LRIG1: variants seen among roughly 807,000 people sequenced by gnomAD.
LRIG1 encodes the protein leucine-rich repeats and immunoglobulin-like domains protein 1.
A neutral mutation model predicts 99.2 loss-of-function variants in LRIG1; 48 were observed. The observed-to-expected ratio is 0.48, with a 90% CI of 0.38 to 0.62. The LOEUF is 0.62. LRIG1 is among the 20% of genes least tolerant of loss of function. The probability of loss-of-function intolerance (pLI) is 0.00; values close to 1 mark genes in which losing one functional copy is unlikely to be tolerated. For missense variants in LRIG1, 1,646 were observed against 1,434.4 expected (o/e 1.15, Z -2.38); for synonymous variants, 772 against 596.1 (o/e 1.29, Z -4.30).
In LRIG1 at chr3:66,384,905, G is replaced by A. The variant is rs79310142; in HGVS notation, c.1790-633C>T. Among the ~76,000 whole-genome samples, 101 of 152,286 alleles carry A rather than the reference G, an allele frequency of 6.6e-4. No individual in the cohort carries two copies. The East Asian group carries it at 0.019, about 29-fold the overall frequency. ...AGTTCCTGTCAACGTCAATTTTGGG[G>A]AGAGTCTAACAAACAGCTGAGTCTT... On this transcript the variant is annotated intron_variant, in intron 13 of 18. Coordinates refer to ENST00000273261, the MANE Select transcript of LRIG1 (RefSeq NM_015541.3).
chr3:66,441,936 G>A (rs1452870684), intron 3 of LRIG1, among the ~76,000 whole-genome samples: 2 of 152,284 alleles, frequency 1.3e-5, no homozygotes, highest in African/African-American at 4.8e-5. Context: ...CAGATCCTGT[G>A]TCTCATAGGA....
intron 3 of LRIG1, among the ~76,000 whole-genome samples, chr3:66,446,602 C>T (rs530228245): frequency 9.0e-4 from 136 of 151,954 alleles, no homozygotes; most frequent in African/African-American, 3.1e-3. Context: ...GATGGAGTTT[C>T]GCCATTTTGG....
intron 12 of LRIG1, among the ~76,000 whole-genome samples, chr3:66,391,304 AT>A (rs1701608040): frequency 6.6e-6 from 1 of 152,220 alleles, no homozygotes; most frequent in African/African-American, 2.4e-5. Context: ...CAGCAATTCC[AT>A]TCCTAGGTTT....
At chr3:66,433,745 C>T (rs977099816) in intron 3 of LRIG1, among the ~76,000 whole-genome samples, 1 of 152,182 alleles carries the variant, frequency 6.6e-6, no homozygotes, top group African/African-American at 2.4e-5. Context: ...GGCCCTTTAA[C>T]GCAGCCCTTC....
chr3:66,393,991 C>T (rs373391313), intron 12 of LRIG1, 49 bp downstream of exon 12: 1 of 1,598,038 alleles, frequency 6.3e-7, no homozygotes, highest in Non-Finnish European at 8.6e-7. Context: ...TACCTCCTGG[C>T]TTCCTTGTCC....
At chr3:66,409,135 C>T (rs13081784) in intron 7 of LRIG1, among the ~76,000 whole-genome samples, 32,969 of 151,870 alleles carry the variant, frequency 0.22, 3,781 homozygotes, top group Admixed American at 0.28. Context: ...GCACTCTTAA[C>T]AATCATTCAC....
intron 7 of LRIG1, 150 bp downstream of exon 7, chr3:66,409,979 C>T (rs2106667373): frequency 1.4e-6 from 1 of 720,400 alleles, no homozygotes; most frequent in Non-Finnish European, 2.2e-6. Context: ...AGGGTTCCAC[C>T]CTGGGCCTGG....
intron 2 of LRIG1, among the ~76,000 whole-genome samples, chr3:66,453,625 G>C (rs17776226): frequency 0.042 from 6,346 of 152,240 alleles, 196 homozygotes; most frequent in Admixed American, 0.069. Context: ...TACATTACCG[G>C]TAAGTTCTCT....
chr3:66,431,514 C>T (rs1299893660), intron 3 of LRIG1, among the ~76,000 whole-genome samples: 1 of 152,164 alleles, frequency 6.6e-6, no homozygotes, highest in Non-Finnish European at 1.5e-5. Flanking sequence ...GGTGGGAAGT[C>T]CCGAGCCCAG....
At chr3:66,459,938 T>C (rs1700318045) in intron 2 of LRIG1, among the ~76,000 whole-genome samples, 2 of 152,202 alleles carry the variant, frequency 1.3e-5, no homozygotes, top group Admixed American at 6.5e-5. Flanking sequence ...AAATCAGTAA[T>C]ACTAATCCTA....
At chr3:66,488,330 G>C (rs2087822559) in intron 1 of LRIG1, among the ~76,000 whole-genome samples, 1 of 151,936 alleles carries the variant, frequency 6.6e-6, no homozygotes, top group African/African-American at 2.4e-5. Flanking sequence ...TTCAAAATTA[G>C]AAAAAGCCAC....
chr3:66,387,383 A>G (rs1206427145), intron 12 of LRIG1: 1 of 152,024 alleles, frequency 6.6e-6, no homozygotes, highest in Admixed American at 6.5e-5. Flanking sequence ...ATAGGAAGTG[A>G]TGGCACACCC....
intron 1 of LRIG1, among the ~76,000 whole-genome samples, chr3:66,462,873 T>A (rs1053584076): frequency 9.9e-5 from 15 of 152,146 alleles, no homozygotes; most frequent in African/African-American, 2.7e-4. Context: ...GGCATTTTTT[T>A]AAATTAATGT....
intron 1 of LRIG1, among the ~76,000 whole-genome samples, chr3:66,489,387 T>C (rs1018396006): frequency 6.6e-6 from 1 of 152,082 alleles, no homozygotes; most frequent in African/African-American, 2.4e-5. Flanking sequence ...CCAGGTGTGG[T>C]GGCACATGCC....
intron 8 of LRIG1, chr3:66,405,736 C>T (rs138734437): frequency 4.5e-6 from 5 of 1,115,918 alleles, no homozygotes; most frequent in East Asian, 7.1e-5. Flanking sequence ...AGGGCCGGCC[C>T]GTGGGCGCCT....
chr3:66,471,145 C>A (rs1314713411), intron 1 of LRIG1, among the ~76,000 whole-genome samples: 2 of 152,146 alleles, frequency 1.3e-5, no homozygotes, highest in Non-Finnish European at 2.9e-5. Context: ...ATCACCATGG[C>A]CACCCCAGCA....
intron 2 of LRIG1, among the ~76,000 whole-genome samples, chr3:66,456,220 G>T (rs1298214885): frequency 6.6e-6 from 1 of 152,122 alleles, no homozygotes; most frequent in Non-Finnish European, 1.5e-5. Context: ...TAGGGTTTTG[G>T]GAGGATCCAG....
In LRIG1 at chr3:66,398,978, C is replaced by T. The variant is rs1701956410; in HGVS notation, c.1224G>A (p.Leu408=). The part of the protein sequence containing the change: ...AKRAFSGLEG[L]EHLNLGGNAI... ...GCTGGTGAGATACTCACAGGTGCTC[C>T]AGGCCTTCCAGCCCCGAGAATGCTC... The change falls in exon 10 of 19, where the codon CTG becomes CTA. Residue 408 remains leucine (L), a synonymous_variant. Coordinates refer to ENST00000273261, the MANE Select transcript of LRIG1 (RefSeq NM_015541.3). 3 of 1,614,040 alleles carry T rather than the reference C, an allele frequency of 1.9e-6. No individual in the cohort carries two copies. Among genetic ancestry groups the T allele is most frequent in the South Asian group, 2.2e-5 (2 of 91,080 alleles).
intron 2 of LRIG1, among the ~76,000 whole-genome samples, chr3:66,460,294 C>A (rs1700326792): frequency 6.6e-6 from 1 of 152,186 alleles, no homozygotes; most frequent in Non-Finnish European, 1.5e-5. Context: ...TGAATATATT[C>A]TAACCACAAG....
Sources: allele counts gnomAD v4.1 joint callset (sites outside exome capture counted in the v4.1 genomes callset), GRCh38; gene constraint gnomAD v4.1.1; transcripts MANE v1.5; gene names NCBI Gene and HGNC (gene_info 2026-07-23, HGNC 2026-07-21).